CHD1L: variants seen among roughly 807,000 people sequenced by gnomAD.
CHD1L encodes the protein ATP-dependent chromatin remodeler CHD1L.
CHD1L carries 118 observed loss-of-function variants against 115.9 expected under a neutral mutation model. The ratio of observed to expected loss-of-function variants is 1.02; its 90% confidence interval spans 0.88 to 1.19. The LOEUF is 1.19. CHD1L is among the 50% of genes most tolerant of loss of function. The pLI is 0.00. For synonymous variants in CHD1L, 411 were observed against 387.1 expected (o/e 1.06, Z -0.72); for missense variants, 1,179 against 1,065.3 (o/e 1.11, Z -1.49).
At chr1:147,288,347 G>GAAAGAAAGA (rs1553967881) in intron 19 of CHD1L, among the ~76,000 whole-genome samples, 6 of 122,402 alleles carry the variant, frequency 4.9e-5, no homozygotes, top group Non-Finnish European at 3.2e-5. Context: ...AAAAAAAAAA[G>GAAAGAAAGA]AAAAAGAGAA....
intron 9 of CHD1L, among the ~76,000 whole-genome samples, chr1:147,267,976 A>ATGATC (rs1162529825): frequency 6.6e-6 from 1 of 152,166 alleles, no homozygotes; most frequent in African/African-American, 2.4e-5. Context: ...AGGTTCACTA[A>ATGATC]TGATCTCCCT....
the CHD1L span, among the ~76,000 whole-genome samples, chr1:147,206,249 T>C: frequency 2.6e-5 from 4 of 151,400 alleles, no homozygotes; most frequent in Non-Finnish European, 5.9e-5. Context: ...ATGGCGATCA[T>C]TAAAAAGTCA....
the CHD1L span, among the ~76,000 whole-genome samples, chr1:147,216,333 C>A: frequency 6.6e-6 from 1 of 152,126 alleles, no homozygotes; most frequent in South Asian, 2.1e-4. Flanking sequence ...AAATATATGG[C>A]CAGTCCCCAA....
At chr1:147,188,230 A>G in the CHD1L span, among the ~76,000 whole-genome samples, 2 of 152,152 alleles carry the variant, frequency 1.3e-5, no homozygotes, top group African/African-American at 4.8e-5. Context: ...CAAGATCTAT[A>G]CTATTCATGA....
rs782263287 is a variant in CHD1L at position 147,272,184 on chromosome 1, G to A, written c.1173G>A (p.Glu391=). ...CTCTCTGTAAAGGCTACAGCTATGA[G>A]CGTGTGGATGGTTCTGTGAGAGGAG... is the stretch of plus-strand genomic sequence containing the variant. ...DYMDYRGYSY[E]RVDGSVRGEE... is the part of the protein sequence containing the mutation. The change falls in exon 12 of 23, where the codon GAG becomes GAA. Residue 391 remains glutamate (E), a synonymous_variant. Coordinates refer to ENST00000369258, the MANE Select transcript of CHD1L (RefSeq NM_004284.6). 8 of 1,613,596 alleles carry A rather than the reference G, an allele frequency of 5.0e-6. 1 individual carries two copies. In the African/African-American group the frequency reaches 1.1e-4, roughly 22 times the overall value.
chr1:147,265,366 T>C (rs1015392606), intron 7 of CHD1L, among the ~76,000 whole-genome samples: 5 of 152,226 alleles, frequency 3.3e-5, no homozygotes, highest in African/African-American at 1.2e-4. Flanking sequence ...AGTTATTCAT[T>C]ATTTATTTGA....
rs587631346 is a variant in CHD1L at position 147,243,545 on chromosome 1, T to C, written c.127+715T>C. On this transcript the variant is annotated intron_variant, in intron 1 of 22. Transcript: ENST00000369258. ...CATGCCCCCCAGCCCTGCCGCTGCA[T>C]GGCTGACCGTACTTCCTGCAGCTCC... Among the ~76,000 whole-genome samples the C allele has an allele frequency of 3.9e-5, 6 of 152,264 alleles. No homozygotes were observed. In the South Asian group the frequency reaches 8.3e-4, roughly 21 times the overall value.
the CHD1L span, among the ~76,000 whole-genome samples, chr1:147,196,352 G>A: frequency 6.0e-3 from 915 of 151,828 alleles, 4 homozygotes; most frequent in Middle Eastern, 0.01. Flanking sequence ...AGGTCTCTTC[G>A]GATACTCAAA....
chr1:147,253,951 C>T lies in CHD1L; in HGVS notation c.241-919C>T, dbSNP rs139065155. ...ATAATTTACTTAAATGTTCTACAGA[C>T]GAGAAATGGTGATTCCTCCCCTTTT... On this transcript the variant is annotated intron_variant, in intron 2 of 22. Coordinates refer to ENST00000369258, the MANE Select transcript of CHD1L (RefSeq NM_004284.6). Among the ~76,000 whole-genome samples, 30 of 152,294 alleles carry T rather than the reference C, an allele frequency of 2.0e-4. No individual in the cohort carries two copies. In the East Asian group the frequency reaches 4.0e-3, roughly 21 times the overall value.
chr1:147,270,913 CT>C lies in CHD1L; in HGVS notation c.1086-15del, dbSNP rs782765548. ...ATACCACTAGACTTGGCAGTGTTTC[CT>C]TTTCTTTTTCTTGCCAGGGGCCATC... is the stretch of plus-strand genomic sequence containing the variant. On this transcript the variant is annotated intron_variant, in intron 10 of 22. Coordinates refer to ENST00000369258, the MANE Select transcript of CHD1L (RefSeq NM_004284.6). 1.2e-6 allele frequency: 2 copies of C among 1,612,220 alleles called. No homozygotes were observed. Among genetic ancestry groups the C allele is most frequent in the Admixed American group, 1.7e-5 (1 of 59,984 alleles).
In CHD1L at chr1:147,249,221, G is replaced by A. The variant is rs1045477719; in HGVS notation, c.128-3402G>A. Among the ~76,000 whole-genome samples, 8 of 151,788 alleles carry A rather than the reference G, an allele frequency of 5.3e-5. No homozygotes were observed. In the South Asian group the frequency reaches 1.2e-3, roughly 24 times the overall value. On this transcript the variant is annotated intron_variant, in intron 1 of 22. Transcript: ENST00000369258. ...TCTGGATTGACAGTTCTTTTCTTTC[G>A]ATATTTGAAACATGTTGTGGCATTT...
chr1:147,291,860 T>C (rs587776141), intron 20 of CHD1L, among the ~76,000 whole-genome samples: 1 of 152,126 alleles, frequency 6.6e-6, no homozygotes, highest in Admixed American at 6.5e-5. Flanking sequence ...TTTCCTTTCT[T>C]ATAAGGATAG....
At chr1:147,294,149 A>G (rs904345678) in intron 21 of CHD1L, among the ~76,000 whole-genome samples, 3 of 152,178 alleles carry the variant, frequency 2.0e-5, no homozygotes, top group Non-Finnish European at 4.4e-5. Context: ...TTGGCTTGTT[A>G]GAGAATCTTT....
At chr1:147,254,411 A>C (rs1553938418) in intron 2 of CHD1L, among the ~76,000 whole-genome samples, 1 of 152,132 alleles carries the variant, frequency 6.6e-6, no homozygotes, top group African/African-American at 2.4e-5. Flanking sequence ...GGAGGAAGTG[A>C]GGGAGGAAGG....
intron 14 of CHD1L, among the ~76,000 whole-genome samples, chr1:147,277,664 A>G (rs1679048773): frequency 1.3e-5 from 2 of 152,136 alleles, no homozygotes; most frequent in African/African-American, 4.8e-5. Context: ...GGCAGGCTGT[A>G]CATTTTGTTT....
At position 147,252,551 on chromosome 1, in the gene CHD1L, A is replaced by C; in HGVS notation, c.128-72A>C. 13 of 1,185,490 alleles carry C rather than the reference A, an allele frequency of 1.1e-5. 1 individual carries two copies. In the South Asian group the frequency reaches 1.7e-4, roughly 16 times the overall value. The allele number at this position is 1,185,490 out of a possible 1,614,324, so 73.4% of individuals were successfully genotyped here. A position where few individuals can be genotyped will look rare whatever the true frequency, so the allele number is the denominator to read the frequency against. ...GAATTTAGGCTGTGTTCCTCATTCAAACTCTTAGAACATTGCCTCTGCATG... is the reference window on the plus strand; with the variant it reads ...GAATTTAGGCTGTGTTCCTCATTCACACTCTTAGAACATTGCCTCTGCATG... On this transcript the variant is annotated intron_variant, in intron 1 of 22. Transcript: ENST00000369258.
At chr1:147,288,341 A>AG (rs1553967745) in intron 19 of CHD1L, among the ~76,000 whole-genome samples, 1,333 of 3,788 alleles carry the variant, frequency 0.35, 39 homozygotes, top group African/African-American at 0.4. Context: ...AAAAAAAAAA[A>AG]AAAAAGAAAA....
intron 2 of CHD1L, among the ~76,000 whole-genome samples, chr1:147,253,012 G>C (rs57515581): frequency 6.6e-6 from 1 of 152,294 alleles, no homozygotes; most frequent in East Asian, 1.9e-4. Flanking sequence ...TCTCTAAAAA[G>C]ATATCACCTC....
chr1:147,252,696 T>C lies in CHD1L; in HGVS notation c.201T>C (p.Cys67=). The C allele has an allele frequency of 6.2e-7, 1 of 1,614,098 alleles. No individual in the cohort carries two copies. The highest frequency in any genetic ancestry group is 8.5e-7 in the Non-Finnish European group (1 of 1,179,996). The change falls in exon 2 of 23, where the codon TGT becomes TGC. Residue 67 remains cysteine (C), a synonymous_variant. Coordinates refer to ENST00000369258, the MANE Select transcript of CHD1L (RefSeq NM_004284.6). Reference sequence around the variant, plus strand: ...AGCGCTTCCATTGTCAGAATGGCTGTATCCTGGGAGATGAGATGGGCCTGG... The same window carrying C: ...AGCGCTTCCATTGTCAGAATGGCTGCATCCTGGGAGATGAGATGGGCCTGG... ...LAQRFHCQNG[C]ILGDEMGLGK...
Sources: allele counts gnomAD v4.1 joint callset (sites outside exome capture counted in the v4.1 genomes callset), GRCh38; gene constraint gnomAD v4.1.1; transcripts MANE v1.5; gene names NCBI Gene and HGNC (gene_info 2026-07-23, HGNC 2026-07-21).